The following TMEM163 variants were observed in gnomAD, a reference collection of about 807,000 sequenced individuals.
TMEM163 encodes the protein transmembrane protein 163.
TMEM163 carries 17 observed loss-of-function variants against 29.3 expected under a neutral mutation model. That is an observed-to-expected ratio of 0.58 (90% CI 0.40 to 0.87). The LOEUF (loss-of-function observed/expected upper bound fraction) is 0.87. TMEM163 is among the 40% of genes least tolerant of loss of function. The probability of loss-of-function intolerance (pLI) is 0.00; values close to 1 mark genes in which losing one functional copy is unlikely to be tolerated. For synonymous variants in TMEM163, 157 were observed against 160.6 expected, an observed-to-expected ratio of 0.98 and a Z score of 0.17; for missense variants, 303 against 381.5, an observed-to-expected ratio of 0.79 and a Z score of 1.71.
At chr2:134,655,186 A>C (rs1345176873) in intron 2 of TMEM163, among the ~76,000 whole-genome samples, 2 of 140,814 alleles carry the variant, frequency 1.4e-5, no homozygotes, top group African/African-American at 2.9e-5. Context: ...CAGGTACACC[A>C]ATCAGACGTA....
intron 4 of TMEM163, among the ~76,000 whole-genome samples, chr2:134,532,128 G>A (rs1028983919): frequency 5.9e-5 from 9 of 152,226 alleles, no homozygotes; most frequent in East Asian, 1.9e-4. Flanking sequence ...CATTCAGCAC[G>A]AGACCATAAT....
intron 2 of TMEM163, among the ~76,000 whole-genome samples, chr2:134,676,698 G>T (rs978149615): frequency 6.6e-6 from 1 of 152,138 alleles, no homozygotes; most frequent in East Asian, 1.9e-4. Flanking sequence ...AGTCCTAGGC[G>T]ATCATTAGTC....
At chr2:134,557,813 A>G (rs530653395) in intron 2 of TMEM163, among the ~76,000 whole-genome samples, 25 of 152,272 alleles carry the variant, frequency 1.6e-4, no homozygotes, top group African/African-American at 5.3e-4. Flanking sequence ...TTGTGGGCAA[A>G]TTGTGAGGGA....
chr2:134,710,993 T>C (rs1180476797), intron 2 of TMEM163, among the ~76,000 whole-genome samples: 1 of 152,216 alleles, frequency 6.6e-6, no homozygotes, highest in Non-Finnish European at 1.5e-5. Context: ...GTTAACTACC[T>C]CCTTCCTTGA....
chr2:134,695,359 G>T (rs975528285), intron 2 of TMEM163, among the ~76,000 whole-genome samples: 14 of 151,878 alleles, frequency 9.2e-5, no homozygotes, highest in African/African-American at 3.4e-4. Context: ...TTACAGGCGT[G>T]AGCCACCGTG....
At chr2:134,707,896 ACTT>A (rs1684852583) in intron 2 of TMEM163, among the ~76,000 whole-genome samples, 1 of 103,700 alleles carries the variant, frequency 9.6e-6, no homozygotes, top group African/African-American at 3.9e-5. Flanking sequence ...GCAGACCAGA[ACTT>A]TTTTTTTTTT....
intron 2 of TMEM163, among the ~76,000 whole-genome samples, chr2:134,584,684 C>T (rs859766): frequency 0.31 from 46,369 of 150,532 alleles, 8,295 homozygotes; most frequent in Middle Eastern, 0.66. Flanking sequence ...AGACTCGAGA[C>T]TCTTGCTAAA....
rs185617947 is a variant in TMEM163, at chr2:134,532,740, G to A, written c.458+17830C>T. Among the ~76,000 whole-genome samples, 6 of 152,286 alleles carry A rather than the reference G, an allele frequency of 3.9e-5. No individual in the cohort carries two copies. In the East Asian group the frequency reaches 7.7e-4, roughly 20 times the overall value. On this transcript the variant is annotated intron_variant, in intron 4 of 7. Transcript: ENST00000281924. ...CAGCTGTGCCCACACAGTGAAGGCC[G>A]CTTGGGGAATACTGCTGGCTTCATG...
chr2:134,456,627 A>C lies in TMEM163; in HGVS notation c.*89T>G. 2 of 1,494,206 alleles carry C rather than the reference A, an allele frequency of 1.3e-6. No individual in the cohort carries two copies. The highest frequency in any genetic ancestry group is 1.8e-6 in the Non-Finnish European group (2 of 1,086,114). 92.6% of individuals were successfully genotyped at this position (1,494,206 alleles called of 1,614,324 possible). A position where few individuals can be genotyped will look rare whatever the true frequency, so the allele number is the denominator to read the frequency against. Reference sequence around the variant, plus strand: ...AACCATGTGAAAGAAAACTTCCAAAAAGAAACCAGATGTTCAGTTAAATAT... The same window carrying C: ...AACCATGTGAAAGAAAACTTCCAAACAGAAACCAGATGTTCAGTTAAATAT... On this transcript the variant is annotated 3_prime_UTR_variant, in exon 8 of 8. Transcript: ENST00000281924.
chr2:134,545,120 TCTTCA>T (rs1257626589), intron 4 of TMEM163, among the ~76,000 whole-genome samples: 2 of 152,198 alleles, frequency 1.3e-5, no homozygotes, highest in Non-Finnish European at 2.9e-5. Flanking sequence ...TGTCATGCTC[TCTTCA>T]CTTAATGCAG....
At chr2:134,512,087 G>A (rs970355112) in intron 4 of TMEM163, among the ~76,000 whole-genome samples, 1 of 152,178 alleles carries the variant, frequency 6.6e-6, no homozygotes, top group Non-Finnish European at 1.5e-5. Context: ...AAATAAACCT[G>A]CTGTGCATTA....
At chr2:134,638,333 G>C (rs995569635) in intron 2 of TMEM163, among the ~76,000 whole-genome samples, 23 of 152,198 alleles carry the variant, frequency 1.5e-4, no homozygotes, top group Non-Finnish European at 3.4e-4. Flanking sequence ...CAGACTTTCT[G>C]CATGCACATC....
intron 4 of TMEM163, among the ~76,000 whole-genome samples, chr2:134,504,997 G>A (rs1182881929): frequency 6.6e-6 from 1 of 152,122 alleles, no homozygotes; most frequent in Non-Finnish European, 1.5e-5. Context: ...GCTGTGCCAG[G>A]GACCTGGAGT....
intron 4 of TMEM163, among the ~76,000 whole-genome samples, chr2:134,509,606 C>T (rs1679904159): frequency 6.6e-6 from 1 of 152,256 alleles, no homozygotes; most frequent in East Asian, 1.9e-4. Context: ...AAAATTCAGT[C>T]ACTCACATTT....
chr2:134,533,947 C>T (rs1162855057), intron 4 of TMEM163, among the ~76,000 whole-genome samples: 2 of 152,208 alleles, frequency 1.3e-5, no homozygotes, highest in Non-Finnish European at 2.9e-5. Flanking sequence ...GTGTCACCTA[C>T]TCAGTGACCT....
At chr2:134,469,959 G>A (rs1381801380) in intron 5 of TMEM163, 6 of 152,434 alleles carry the variant, frequency 3.9e-5, no homozygotes, top group Admixed American at 3.3e-4. Flanking sequence ...GCTTTACCAG[G>A]ACGTCGGCAC....
chr2:134,506,356 G>A (rs986694944), intron 4 of TMEM163, among the ~76,000 whole-genome samples: 5 of 152,084 alleles, frequency 3.3e-5, no homozygotes, highest in African/African-American at 2.4e-5. Flanking sequence ...ATTTTTTAAC[G>A]ATTTATTAAT....
chr2:134,534,186 T>G (rs952392484), intron 4 of TMEM163, among the ~76,000 whole-genome samples: 35 of 152,230 alleles, frequency 2.3e-4, no homozygotes, highest in African/African-American at 6.7e-4. Flanking sequence ...AGGGTCAGGT[T>G]TTAGGAAATG....
chr2:134,712,969 C>T (rs995126290), intron 2 of TMEM163, among the ~76,000 whole-genome samples: 3 of 152,186 alleles, frequency 2.0e-5, no homozygotes, highest in South Asian at 2.1e-4. Flanking sequence ...AGCCCGCATA[C>T]TGATGAGAGC....
Sources: gnomAD v4.1 joint callset for allele counts (sites outside exome capture counted in the v4.1 genomes callset) on GRCh38, gnomAD v4.1.1 for gene constraint, MANE v1.5 for transcripts, NCBI Gene and HGNC (gene_info 2026-07-23, HGNC 2026-07-21) for gene names.